CDC42BPA: variants seen among roughly 807,000 people sequenced by gnomAD.
CDC42BPA encodes the protein CDC42 binding protein kinase alpha.
CDC42BPA carries 80 observed loss-of-function variants against 223.5 expected under a neutral mutation model. The ratio of observed to expected loss-of-function variants is 0.36; its 90% CI spans 0.30 to 0.43. CDC42BPA has a LOEUF of 0.43. Ranked by LOEUF, CDC42BPA falls within the 20% of genes least tolerant of loss-of-function variation. The pLI is 1.00. For missense variants in CDC42BPA, 1,743 were observed against 2,099.9 expected (o/e 0.83, Z 3.32); for synonymous variants, 694 against 718.6 (o/e 0.97, Z 0.55).
rs1470339522 is a variant in CDC42BPA, at chr1:227,306,684, C to T, written c.178+10321G>A. On this transcript the variant is annotated intron_variant, in intron 1 of 36. Coordinates refer to ENST00000366766, the MANE Select transcript of CDC42BPA (RefSeq NM_001394014.1). ...TCATATGTCAGCTTCACTACATACC[C>T]GAACTTAGTCTGTTGTTAAATGTTT... 2.6e-5 allele frequency among the ~76,000 whole-genome samples: 4 copies of T among 152,140 alleles called. No homozygotes were observed. In the South Asian group the frequency reaches 8.3e-4, roughly 32 times the overall value.
chr1:226,998,100 C>T (rs916485335), intron 35 of CDC42BPA, among the ~76,000 whole-genome samples: 1 of 152,118 alleles, frequency 6.6e-6, no homozygotes, highest in Non-Finnish European at 1.5e-5. Context: ...ATGTGAAGGA[C>T]CTCTTCAAGG....
At chr1:227,045,387 T>A (rs1401146045) in intron 23 of CDC42BPA, among the ~76,000 whole-genome samples, 1 of 152,186 alleles carries the variant, frequency 6.6e-6, no homozygotes, top group East Asian at 1.9e-4. Context: ...TCCTTAAAGG[T>A]TTAAAAAGTT....
chr1:227,133,494 T>G, intron 10 of CDC42BPA, among the ~76,000 whole-genome samples: 1 of 152,106 alleles, frequency 6.6e-6, no homozygotes, highest in Non-Finnish European at 1.5e-5. Flanking sequence ...CGGGCCATGA[T>G]GACAATGGCG....
rs1660821170 is a variant in CDC42BPA, at chr1:226,992,051, GGGAGAGTGGGGAGGAGA to G, written c.*2200_*2216del. ...GAGGGTGGGGAGAGTGAGGAGGGTG[GGGAGAGTGGGGAGGAGA>G]GGAGAGAAGGGTGGACAGAAGGGGT... is the stretch of plus-strand genomic sequence containing the variant. On this transcript the variant is annotated 3_prime_UTR_variant, in exon 37 of 37. Transcript: ENST00000366766. 1 of 140,832 alleles carries G rather than the reference GGGAGAGTGGGGAGGAGA, an allele frequency of 7.1e-6. No homozygotes were observed. The highest frequency in any genetic ancestry group is 7.0e-5 in the Admixed American group (1 of 14,186). 8.7% of individuals were successfully genotyped at this position (140,832 alleles called of 1,614,324 possible). A position where few individuals can be genotyped will look rare whatever the true frequency, so the allele number is the denominator to read the frequency against.
chr1:227,160,458 T>C lies in CDC42BPA; in HGVS notation c.693+85A>G, dbSNP rs75022448. 6,363 of 895,442 alleles carry C rather than the reference T, an allele frequency of 7.1e-3. 281 individuals are homozygous for C. In the African/African-American group the frequency reaches 0.091, roughly 13 times the overall value. The allele number at this position is 895,442 out of a possible 1,614,324, so 55.5% of individuals were successfully genotyped here. The stretch of plus-strand genomic sequence containing the variant: ...TGGATGGATGGGTAGATAGTATAAA[T>C]AGATGGTTTCTAAAACAGATATATC... On this transcript the variant is annotated intron_variant, in intron 6 of 36. Coordinates refer to ENST00000366766, the MANE Select transcript of CDC42BPA (RefSeq NM_001394014.1).
intron 5 of CDC42BPA, among the ~76,000 whole-genome samples, chr1:227,173,798 T>C (rs935706030): frequency 7.2e-5 from 11 of 152,136 alleles, no homozygotes; most frequent in African/African-American, 2.7e-4. Context: ...CGGTATTCCA[T>C]GTAATAAAAT....
rs16847651 is a variant in CDC42BPA at position 227,314,860 on chromosome 1, C to G, written c.178+2145G>C. 2.2e-3 allele frequency among the ~76,000 whole-genome samples: 335 copies of G among 151,900 alleles called. 9 individuals are homozygous for G. The East Asian group carries it at 0.046, about 21-fold the overall frequency. On this transcript the variant is annotated intron_variant, in intron 1 of 36. Coordinates refer to ENST00000366766, the MANE Select transcript of CDC42BPA (RefSeq NM_001394014.1). ...ACCAAATTTAACCCCAACAACAATC[C>G]CTGTAAATTTCCACCAGAGTCCCAA... is the stretch of plus-strand genomic sequence containing the variant.
chr1:227,079,073 T>C (rs1041497946), intron 17 of CDC42BPA, among the ~76,000 whole-genome samples: 1 of 152,134 alleles, frequency 6.6e-6, no homozygotes, highest in African/African-American at 2.4e-5. Context: ...TAAACTTGGA[T>C]ATTGTATCTC....
rs1690086065 is a variant in CDC42BPA, at chr1:227,293,594, G to A, written c.178+23411C>T. On this transcript the variant is annotated intron_variant, in intron 1 of 36. Coordinates refer to ENST00000366766, the MANE Select transcript of CDC42BPA (RefSeq NM_001394014.1). Reference sequence around the variant, plus strand: ...AATCCCAGCACTTTGGGGAGGCCTAGGTGGACGGATCACCTGAGGTCGGGA... The same window carrying A: ...AATCCCAGCACTTTGGGGAGGCCTAAGTGGACGGATCACCTGAGGTCGGGA... Among the ~76,000 whole-genome samples, 5 of 150,310 alleles carry A rather than the reference G, an allele frequency of 3.3e-5. No homozygotes were observed. In the South Asian group the frequency reaches 1.0e-3, roughly 31 times the overall value.
At chr1:227,264,939 G>A in intron 1 of CDC42BPA, 1 of 1,127,782 alleles carries the variant, frequency 8.9e-7, no homozygotes, top group South Asian at 1.2e-5. Flanking sequence ...GTATATTCAT[G>A]GATTATCTCT....
intron 6 of CDC42BPA, 31 bp from the exon 7 acceptor site, chr1:227,147,590 T>G: frequency 1.6e-6 from 2 of 1,240,218 alleles, no homozygotes; most frequent in Non-Finnish European, 1.1e-6. Context: ...ATTAATCTCC[T>G]ATATTAGAAA....
In CDC42BPA at chr1:227,112,402, A is replaced by G; in HGVS notation, c.1911T>C (p.Ala637=). The G allele has an allele frequency of 6.2e-6, 10 of 1,602,916 alleles. No homozygotes were observed. Among genetic ancestry groups the G allele is most frequent in the Non-Finnish European group, 8.5e-6 (10 of 1,174,968 alleles). The change falls in exon 14 of 37, where the codon GCT becomes GCC. Residue 637 remains alanine (A), a synonymous_variant. Coordinates refer to ENST00000366766, the MANE Select transcript of CDC42BPA (RefSeq NM_001394014.1). ...TGTCTTTAGATGCTTCAGCAGCTAG[A>G]GCTTCTGTATGAACTTCCAGCTTTA... The part of the protein sequence containing the change: ...AKKELEVHTE[A]LAAEASKDRK...
Position 227,028,592 on chromosome 1 carries a change from C to T in CDC42BPA, c.4432+65G>A, listed in dbSNP as rs187217050. 223 of 1,087,702 alleles carry T rather than the reference C, an allele frequency of 2.1e-4. No homozygotes were observed. The East Asian group carries it at 2.6e-3, about 13-fold the overall frequency. 67.4% of individuals were successfully genotyped at this position (1,087,702 alleles called of 1,614,324 possible). A position where few individuals can be genotyped will look rare whatever the true frequency, so the allele number is the denominator to read the frequency against. ...ATCAACAATGACAACATTTGGGAGA[C>T]GAAGTAGAAGGGAAAAGGAAGAAGA... On this transcript the variant is annotated intron_variant, in intron 30 of 36. Coordinates refer to ENST00000366766, the MANE Select transcript of CDC42BPA (RefSeq NM_001394014.1).
chr1:227,285,570 A>G (rs1688677488), intron 1 of CDC42BPA, among the ~76,000 whole-genome samples: 1 of 152,196 alleles, frequency 6.6e-6, no homozygotes, highest in Non-Finnish European at 1.5e-5. Flanking sequence ...GGTCACAATG[A>G]AGGACTGTCA....
At chr1:227,173,635 G>T (rs115276522) in intron 5 of CDC42BPA, among the ~76,000 whole-genome samples, 1 of 151,848 alleles carries the variant, frequency 6.6e-6, no homozygotes, top group Non-Finnish European at 1.5e-5. Flanking sequence ...GGCAATACTC[G>T]GTAAGCACTA....
At chr1:227,316,028 C>A (rs184395717) in intron 1 of CDC42BPA, among the ~76,000 whole-genome samples, 1 of 147,062 alleles carries the variant, frequency 6.8e-6, no homozygotes, top group African/African-American at 2.5e-5. Context: ...TACTTGGGAA[C>A]AGATATTTTA....
chr1:227,302,206 T>C (rs1321117449), intron 1 of CDC42BPA, among the ~76,000 whole-genome samples: 6 of 152,206 alleles, frequency 3.9e-5, no homozygotes, highest in African/African-American at 1.4e-4. Context: ...CATTCACTCC[T>C]TTACCTAGTT....
rs115775979 is a variant in CDC42BPA, at chr1:227,015,618, G to A, written c.4857+462C>T. On this transcript the variant is annotated intron_variant, in intron 34 of 36. Coordinates refer to ENST00000366766, the MANE Select transcript of CDC42BPA (RefSeq NM_001394014.1). ...TGTTTGTAAATGGGCAAAGGAAAAC[G>A]ATTTAATTTCACAACTGTCGGAGAG... Among the ~76,000 whole-genome samples the A allele has an allele frequency of 2.3e-3, 351 of 151,814 alleles. 2 individuals are homozygous for A. Among genetic ancestry groups the A allele is most frequent in the African/African-American group, 8.2e-3 (340 of 41,362 alleles).
At chr1:227,117,817 TAAA>T (rs962785208) in intron 12 of CDC42BPA, among the ~76,000 whole-genome samples, 1 of 151,892 alleles carries the variant, frequency 6.6e-6, no homozygotes, top group African/African-American at 2.4e-5. Context: ...CACTTTTTAA[TAAA>T]AAGATTCCTA....
Sources: gnomAD v4.1 joint callset for allele counts (sites outside exome capture counted in the v4.1 genomes callset) on GRCh38, gnomAD v4.1.1 for gene constraint, MANE v1.5 for transcripts, NCBI Gene and HGNC (gene_info 2026-07-23, HGNC 2026-07-21) for gene names.